Variants in CAMK2G observed in about 807,000 individuals in gnomAD.
CAMK2G encodes the protein calcium/calmodulin dependent protein kinase II gamma.
A neutral mutation model predicts 88.7 loss-of-function variants in CAMK2G; 23 were observed. The observed-to-expected ratio is 0.26, with a 90% CI of 0.19 to 0.37. The LOEUF (loss-of-function observed/expected upper bound fraction) is 0.37. Ranked by LOEUF, CAMK2G falls within the 10% of genes least tolerant of loss-of-function variation. The probability of loss-of-function intolerance (pLI) is 1.00; values close to 1 mark genes in which losing one functional copy is unlikely to be tolerated. For synonymous variants in CAMK2G, 263 were observed against 294.8 expected (o/e 0.89, Z 1.11); for missense variants, 476 against 780.8 (o/e 0.61, Z 4.65).
chr10:73,856,015 C>T (rs2095005686), intron 3 of CAMK2G, among the ~76,000 whole-genome samples: 1 of 152,038 alleles, frequency 6.6e-6, no homozygotes, highest in Non-Finnish European at 1.5e-5. Context: ...CTTGAGCCAT[C>T]TCCTGTCTCA....
chr10:73,857,957 G>C (rs1186950119), intron 3 of CAMK2G, among the ~76,000 whole-genome samples: 1 of 152,176 alleles, frequency 6.6e-6, no homozygotes, highest in South Asian at 2.1e-4. Context: ...AAATACCCGA[G>C]AACATTCCCA....
intron 3 of CAMK2G, 69 bp downstream of exon 3, chr10:73,860,761 A>G: frequency 8.8e-7 from 1 of 1,132,306 alleles, no homozygotes; most frequent in Non-Finnish European, 1.3e-6. Context: ...CCACACACAA[A>G]AGCAGTGGAT....
chr10:73,843,236 G>A (rs1248142225), intron 10 of CAMK2G, among the ~76,000 whole-genome samples: 1 of 152,042 alleles, frequency 6.6e-6, no homozygotes, highest in East Asian at 1.9e-4. Context: ...GCTAATTTTT[G>A]TATTTTTAGT....
At chr10:73,853,105 G>T in intron 4 of CAMK2G, 87 bp downstream of exon 4, 1 of 1,255,628 alleles carries the variant, frequency 8.0e-7, no homozygotes, top group Non-Finnish European at 1.2e-6. Context: ...GGCGGAGGCT[G>T]GAGAGCCTGT....
chr10:73,864,982 T>C (rs945946618), intron 2 of CAMK2G, among the ~76,000 whole-genome samples: 1 of 152,184 alleles, frequency 6.6e-6, no homozygotes, highest in African/African-American at 2.4e-5. Context: ...CAGCAAGATC[T>C]GAGGTTTAAC....
At chr10:73,825,167 G>A in intron 16 of CAMK2G, 112 bp downstream of exon 16, 1 of 803,114 alleles carries the variant, frequency 1.2e-6, no homozygotes, top group Non-Finnish European at 2.2e-6. Flanking sequence ...AGTTCTATGG[G>A]GACCAAGAAA....
intron 1 of CAMK2G, chr10:73,873,558 G>A (rs2095924289): frequency 1.0e-6 from 1 of 994,124 alleles, no homozygotes; most frequent in Non-Finnish European, 1.2e-6. Flanking sequence ...ATGGGGCAAA[G>A]TGAGGCTCAA....
At chr10:73,838,425 A>G (rs956589155) in intron 13 of CAMK2G, among the ~76,000 whole-genome samples, 3 of 152,220 alleles carry the variant, frequency 2.0e-5, no homozygotes, top group Non-Finnish European at 4.4e-5. Flanking sequence ...TTTATCTATA[A>G]AATGGGATAA....
At chr10:73,841,995 T>C in intron 12 of CAMK2G, 174 bp downstream of exon 12, 1 of 648,164 alleles carries the variant, frequency 1.5e-6, no homozygotes, top group Middle Eastern at 2.8e-4. Context: ...GCCCCCTGAA[T>C]CTCAGGAGCA....
At chr10:73,845,145 C>T (rs2094135387) in intron 10 of CAMK2G, among the ~76,000 whole-genome samples, 1 of 152,220 alleles carries the variant, frequency 6.6e-6, no homozygotes. Flanking sequence ...GCTATTTCTA[C>T]AGCCTCACTA....
Position 73,848,497 on chromosome 10 carries a change from G to T in CAMK2G, c.601+29C>A. 6.6e-7 allele frequency: 1 copy of T among 1,514,350 alleles called. No individual in the cohort carries two copies. The highest frequency in any genetic ancestry group is 9.2e-7 in the Non-Finnish European group (1 of 1,090,942). 93.8% of individuals were successfully genotyped at this position (1,514,350 alleles called of 1,614,324 possible). A position where few individuals can be genotyped will look rare whatever the true frequency, so the allele number is the denominator to read the frequency against. On this transcript the variant is annotated intron_variant, in intron 8 of 22. Transcript: ENST00000423381. The surrounding 1 kb of genome is among the most constrained non-coding windows in gnomAD (Gnocchi z 4.5). ...TCGGAAGTTGAGGGCCCTTAACAGC[G>T]AAAAGCTGAGAGCGTGGAATGGGCT...
intron 14 of CAMK2G, among the ~76,000 whole-genome samples, chr10:73,833,857 C>G (rs1330191534): frequency 6.7e-6 from 1 of 149,922 alleles, no homozygotes; most frequent in African/African-American, 2.5e-5. Flanking sequence ...CCTCAGCATC[C>G]CAAAGTGCTG....
intron 2 of CAMK2G, among the ~76,000 whole-genome samples, chr10:73,862,697 T>C (rs1396196245): frequency 6.6e-6 from 1 of 152,234 alleles, no homozygotes; most frequent in Non-Finnish European, 1.5e-5. Flanking sequence ...TGTGCTATTA[T>C]GGCCAGATAA....
In CAMK2G at chr10:73,817,101, C is replaced by G; in HGVS notation, c.1456G>C (p.Gly486Arg). ...GCCTCAGGCTCAAAGGAAGTGAGGC[C>G]TGGATCACAAATCTTCCTACAGGGA... ...FEAYTKICDP[G>R]LTSFEPEALG... Residue 486 changes from glycine to arginine, a missense_variant, in exon 21 of 23, where the codon GGC (glycine) becomes CGC (arginine). Gly to Arg is a moderately radical substitution (Grantham distance 125, BLOSUM62 -2). Transcript: ENST00000423381. 1 of 1,610,468 alleles carries G rather than the reference C, an allele frequency of 6.2e-7. No homozygotes were observed. The highest frequency in any genetic ancestry group is 1.3e-5 in the African/African-American group (1 of 74,626).
intron 3 of CAMK2G, among the ~76,000 whole-genome samples, chr10:73,855,679 G>C (rs1413511908): frequency 2.0e-5 from 3 of 152,240 alleles, no homozygotes; most frequent in Non-Finnish European, 4.4e-5. Flanking sequence ...GCCCAGGTGG[G>C]AGGAAGCCGG....
chr10:73,852,123 C>T, intron 5 of CAMK2G, 131 bp downstream of exon 5: 1 of 702,572 alleles, frequency 1.4e-6, no homozygotes, highest in Non-Finnish European at 2.6e-6. Context: ...AATCTTTCTC[C>T]AGACAAGAGC....
chr10:73,869,404 C>T (rs1351526063), intron 2 of CAMK2G, among the ~76,000 whole-genome samples: 1 of 152,200 alleles, frequency 6.6e-6, no homozygotes, highest in Non-Finnish European at 1.5e-5. Context: ...CCTTATGCCC[C>T]AAGCACAGGT....
intron 2 of CAMK2G, among the ~76,000 whole-genome samples, chr10:73,872,283 C>T (rs1434856687): frequency 6.6e-6 from 1 of 152,266 alleles, no homozygotes; most frequent in Non-Finnish European, 1.5e-5. Context: ...GGCCCCAAGG[C>T]CTTGGCCTTT....
chr10:73,870,667 C>A (rs542398095), intron 2 of CAMK2G, among the ~76,000 whole-genome samples: 2 of 152,342 alleles, frequency 1.3e-5, no homozygotes, highest in Non-Finnish European at 2.9e-5. Context: ...TTCAGACCTT[C>A]ACAGATGACC....
Sources: allele counts gnomAD v4.1 joint callset (sites outside exome capture counted in the v4.1 genomes callset), GRCh38; gene constraint gnomAD v4.1.1; non-coding constraint Gnocchi (gnomAD v3.1); transcripts MANE v1.5; gene names NCBI Gene and HGNC (gene_info 2026-07-23, HGNC 2026-07-21).